GJB5: variants seen among roughly 807,000 people sequenced by gnomAD.
GJB5 encodes gap junction protein beta 5, also known as gap junction beta-5 protein.
For synonymous variants in GJB5, 146 were observed against 145.5 expected, an observed-to-expected ratio of 1.00 and a Z score of -0.02; for missense variants, 333 against 357.9, an observed-to-expected ratio of 0.93 and a Z score of 0.56.
chr1:34,757,562 G>GC lies in GJB5; in HGVS notation c.235dup (p.Leu79ProfsTer169). On this transcript the variant is annotated frameshift_variant, in exon 2 of 2. Transcript: ENST00000338513. LOFTEE classifies it low-confidence loss of function (END_TRUNC). ...CCCTGTGTCCCATGTGCGCCTCTGG[G>GC]CCCTGCAGCTTATCCTGGTGACATG... The GC allele has an allele frequency of 6.2e-7, 1 of 1,614,140 alleles. No homozygotes were observed. Among genetic ancestry groups the GC allele is most frequent in the Non-Finnish European group, 8.5e-7 (1 of 1,180,022 alleles).
Position 34,757,488 on chromosome 1 carries a change from G to A in GJB5, c.158G>A (p.Cys53Tyr), listed in dbSNP as rs899789250. The part of the protein sequence containing the change: ...VWSDDHKDFD[C>Y]NTRQPGCSNV... The stretch of plus-strand genomic sequence containing the variant: ...AGTGATGACCACAAGGACTTCGACT[G>A]CAATACTCGCCAGCCCGGCTGCTCC... Residue 53 changes from cysteine to tyrosine, a missense_variant, in exon 2 of 2, where the codon TGC becomes TAC. Physicochemically the swap from Cys to Tyr is radical, Grantham distance 194. Transcript: ENST00000338513. The A allele has an allele frequency of 3.7e-6, 6 of 1,614,018 alleles. No individual in the cohort carries two copies. Among genetic ancestry groups the A allele is most frequent in the Non-Finnish European group, 5.1e-6 (6 of 1,180,034 alleles).
rs1553166574 is a variant in GJB5, at chr1:34,757,883, A to T, written c.553A>T (p.Ile185Phe). The T allele has an allele frequency of 8.7e-6, 14 of 1,613,854 alleles. No individual in the cohort carries two copies. Among genetic ancestry groups the T allele is most frequent in the Non-Finnish European group, 5.9e-6 (7 of 1,179,978 alleles). ...CATCTCCAAGCCCTCAGAGAAGAAC[A>T]TTTTCACCCTCTTCATGGTGGCCAC... The part of the protein sequence containing the change: ...CFISKPSEKN[I>F]FTLFMVATAA... The change falls in exon 2 of 2, where the codon ATT becomes TTT. Residue 185 changes from isoleucine to phenylalanine, a missense_variant. Transcript: ENST00000338513.
rs748455388 is a variant in GJB5, at chr1:34,758,192, G to A, written c.*40G>A. ...TGGTCTGGCAGGTTGGGCCTGGATG[G>A]GGAGGCTCTAGCATCTCTCATAGGT... On this transcript the variant is annotated 3_prime_UTR_variant, in exon 2 of 2. Coordinates refer to ENST00000338513, the MANE Select transcript of GJB5 (RefSeq NM_005268.4). The A allele has an allele frequency of 6.6e-7, 1 of 1,512,022 alleles. No individual in the cohort carries two copies. The highest frequency in any genetic ancestry group is 1.7e-5 in the Admixed American group (1 of 58,220). 93.7% of individuals were successfully genotyped at this position (1,512,022 alleles called of 1,614,324 possible).
At position 34,758,255 on chromosome 1, in the gene GJB5, G is replaced by A. The variant is rs778935449; in HGVS notation, c.*103G>A. On this transcript the variant is annotated 3_prime_UTR_variant, in exon 2 of 2. Coordinates refer to ENST00000338513, the MANE Select transcript of GJB5 (RefSeq NM_005268.4). ...TGGGGGAGCTAAGCCATGAGGTAGG[G>A]GCAGGCAAGAGAGAGGATTCAGACG... 8 of 867,244 alleles carry A rather than the reference G, an allele frequency of 9.2e-6. No homozygotes were observed. The highest frequency in any genetic ancestry group is 1.1e-5 in the Non-Finnish European group (6 of 552,760). 53.7% of individuals were successfully genotyped at this position (867,244 alleles called of 1,614,324 possible).
rs1385581155 is a variant in GJB5 at position 34,757,440 on chromosome 1, T to C, written c.110T>C (p.Leu37Pro). 1.9e-6 allele frequency: 3 copies of C among 1,614,050 alleles called. No individual in the cohort carries two copies. Among genetic ancestry groups the C allele is most frequent in the Non-Finnish European group, 2.5e-6 (3 of 1,180,044 alleles). ...LVFIFRVLVY[L>P]VTAERVWSDD... The stretch of plus-strand genomic sequence containing the variant: ...TTCATCTTCCGCGTGCTGGTGTACC[T>C]GGTGACGGCCGAGCGTGTGTGGAGT... Residue 37 changes from leucine to proline, a missense_variant, in exon 2 of 2, where the codon CTG becomes CCG. Coordinates refer to ENST00000338513, the MANE Select transcript of GJB5 (RefSeq NM_005268.4).
intron 1 of GJB5, among the ~76,000 whole-genome samples, chr1:34,757,031 T>G (rs965982920): frequency 3.3e-5 from 5 of 152,160 alleles, no homozygotes; most frequent in Admixed American, 6.5e-5. Context: ...GAGGAATGAG[T>G]GGCTCCCTGG....
rs1388809635 is a variant in GJB5 at position 34,758,107 on chromosome 1, C to T, written c.777C>T (p.Leu259=). ...TGGGCTCAGACAGTCATCCTCCTCT[C>T]TTACCAGACCGCCCCCGAGACCATG... ...IFLGSDSHPP[L]LPDRPRDHVK... is the part of the protein sequence containing the mutation. Residue 259 remains leucine (L), a synonymous_variant, in exon 2 of 2, where the codon CTC becomes CTT. Coordinates refer to ENST00000338513, the MANE Select transcript of GJB5 (RefSeq NM_005268.4). The T allele has an allele frequency of 6.2e-7, 1 of 1,613,952 alleles. No individual in the cohort carries two copies. Among genetic ancestry groups the T allele is most frequent in the Non-Finnish European group, 8.5e-7 (1 of 1,180,026 alleles).
rs1310015651 is a variant in GJB5 at position 34,757,955 on chromosome 1, G to A, written c.625G>A (p.Val209Met). 1 of 1,613,962 alleles carries A rather than the reference G, an allele frequency of 6.2e-7. No homozygotes were observed. Among genetic ancestry groups the A allele is most frequent in the Admixed American group, 1.7e-5 (1 of 60,004 alleles). Residue 209 changes from valine to methionine, a missense_variant, in exon 2 of 2, where the codon GTG (valine) becomes ATG (methionine). Transcript: ENST00000338513. ...CAACCTCGTGGAGCTCATCTACCTGGTGAGCAAGAGATGCCACGAGTGCCT... is the reference window on the plus strand; with the variant it reads ...CAACCTCGTGGAGCTCATCTACCTGATGAGCAAGAGATGCCACGAGTGCCT... ...LLNLVELIYL[V>M]SKRCHECLAA... is the part of the protein sequence containing the mutation.
In GJB5 at chr1:34,757,237, A is replaced by C. The variant is rs559132382; in HGVS notation, c.-24-70A>C. 1,334 of 831,646 alleles carry C rather than the reference A, an allele frequency of 1.6e-3. 3 individuals carry two copies. The highest frequency in any genetic ancestry group is 2.4e-3 in the Non-Finnish European group (1,237 of 515,836). The allele number at this position is 831,646 out of a possible 1,614,324, so 51.5% of individuals were successfully genotyped here. The stretch of plus-strand genomic sequence containing the variant: ...GATGGTAAGGATGAAATGTGATGAC[A>C]TATTTCTACAAAGTGCTCAGAGCAA... On this transcript the variant is annotated intron_variant, in intron 1 of 1. Transcript: ENST00000338513.
In GJB5 at chr1:34,758,005, G is replaced by C. The variant is rs566001321; in HGVS notation, c.675G>C (p.Met225Ile). 21 of 1,614,070 alleles carry C rather than the reference G, an allele frequency of 1.3e-5. No homozygotes were observed. In the East Asian group the frequency reaches 4.7e-4, roughly 36 times the overall value. The change falls in exon 2 of 2, where the codon ATG becomes ATC. Residue 225 changes from methionine (M) to isoleucine (I), a missense_variant. Met to Ile is a conservative substitution (Grantham distance 10, BLOSUM62 1). Transcript: ENST00000338513. ...TGGCAGCAAGGAAAGCTCAAGCCAT[G>C]TGCACAGGTCATCACCCCCACGGTA... Reference protein sequence around the residue: ...ECLAARKAQAMCTGHHPHGTT... With the variant: ...ECLAARKAQAICTGHHPHGTT...
chr1:34,757,427 G>T lies in GJB5; in HGVS notation c.97G>T (p.Val33Leu), dbSNP rs375424906. ...IWLSLVFIFR[V>L]LVYLVTAERV... ...GCTGTCTCTGGTCTTCATCTTCCGC[G>T]TGCTGGTGTACCTGGTGACGGCCGA... is the stretch of plus-strand genomic sequence containing the variant. The change falls in exon 2 of 2, where the codon GTG becomes TTG. Residue 33 changes from valine to leucine, a missense_variant. Val to Leu is a conservative substitution (Grantham distance 32, BLOSUM62 1). Transcript: ENST00000338513. 1.2e-6 allele frequency: 2 copies of T among 1,614,076 alleles called. No individual in the cohort carries two copies. Among genetic ancestry groups the T allele is most frequent in the African/African-American group, 1.3e-5 (1 of 74,918 alleles).
intron 1 of GJB5, among the ~76,000 whole-genome samples, chr1:34,755,686 C>T (rs970164475): frequency 1.3e-5 from 2 of 152,032 alleles, no homozygotes; most frequent in South Asian, 2.1e-4. Context: ...CCAGGATCCA[C>T]ACACAAGGGG....
Position 34,758,425 on chromosome 1 carries a change from G to T in GJB5, c.*273G>T. 1 of 520,614 alleles carries T rather than the reference G, an allele frequency of 1.9e-6. No homozygotes were observed. Among genetic ancestry groups the T allele is most frequent in the Admixed American group, 3.4e-5 (1 of 29,762 alleles). 32.2% of individuals were successfully genotyped at this position (520,614 alleles called of 1,614,324 possible). A position where few individuals can be genotyped will look rare whatever the true frequency, so the allele number is the denominator to read the frequency against. The stretch of plus-strand genomic sequence containing the variant: ...CCAATGCCCAGGGTTGGAGGGAGGA[G>T]GGCGTTCATAGAAGAACACACATGC... On this transcript the variant is annotated 3_prime_UTR_variant, in exon 2 of 2. Coordinates refer to ENST00000338513, the MANE Select transcript of GJB5 (RefSeq NM_005268.4).
In GJB5 at chr1:34,757,893, T is replaced by C; in HGVS notation, c.563T>C (p.Leu188Pro). Residue 188 changes from leucine to proline, a missense_variant, in exon 2 of 2, where the codon CTC becomes CCC. Transcript: ENST00000338513. The part of the protein sequence containing the change: ...SKPSEKNIFT[L>P]FMVATAAICI... ...CCCTCAGAGAAGAACATTTTCACCC[T>C]CTTCATGGTGGCCACAGCTGCCATC... The C allele has an allele frequency of 6.2e-7, 1 of 1,613,936 alleles. No individual in the cohort carries two copies. The highest frequency in any genetic ancestry group is 8.5e-7 in the Non-Finnish European group (1 of 1,180,002).
rs1639613103 is a variant in GJB5 at position 34,757,471 on chromosome 1, C to T, written c.141C>T (p.Asp47=). The change falls in exon 2 of 2, where the codon GAC becomes GAT. Residue 47 remains aspartate (D), a synonymous_variant. Coordinates refer to ENST00000338513, the MANE Select transcript of GJB5 (RefSeq NM_005268.4). ...CGGCCGAGCGTGTGTGGAGTGATGA[C>T]CACAAGGACTTCGACTGCAATACTC... ...LVTAERVWSD[D]HKDFDCNTRQ... 2 of 1,613,978 alleles carry T rather than the reference C, an allele frequency of 1.2e-6. No homozygotes were observed. Among genetic ancestry groups the T allele is most frequent in the African/African-American group, 2.7e-5 (2 of 74,902 alleles).
chr1:34,758,044 C>A lies in GJB5; in HGVS notation c.714C>A (p.Cys238Ter). The change falls in exon 2 of 2, where the codon TGC becomes TGA. Residue 238 changes from cysteine (C) to a stop codon, truncating the protein, a stop_gained. Transcript: ENST00000338513. LOFTEE classifies it low-confidence loss of function (END_TRUNC). ...GHHPHGTTSSCKQDDLLSGDL... is the reference protein window; with the variant it reads ...GHHPHGTTSS The stretch of plus-strand genomic sequence containing the variant: ...ACCCCCACGGTACCACCTCTTCCTG[C>A]AAACAAGACGACCTCCTTTCGGGTG... 1 of 1,614,062 alleles carries A rather than the reference C, an allele frequency of 6.2e-7. No individual in the cohort carries two copies. The highest frequency in any genetic ancestry group is 8.5e-7 in the Non-Finnish European group (1 of 1,180,014).
intron 1 of GJB5, among the ~76,000 whole-genome samples, chr1:34,755,895 T>C (rs1357061668): frequency 6.6e-6 from 1 of 152,196 alleles, no homozygotes; most frequent in African/African-American, 2.4e-5. Context: ...TCTTTCCTCA[T>C]CTGTAAATTG....
At chr1:34,756,632 C>G (rs762456059) in intron 1 of GJB5, among the ~76,000 whole-genome samples, 1 of 152,204 alleles carries the variant, frequency 6.6e-6, no homozygotes, top group South Asian at 2.1e-4. Flanking sequence ...TTGGGAAACA[C>G]TGGAATACCA....
rs1639555158 is a variant in GJB5, at chr1:34,755,078, G to C, written c.-142G>C. On this transcript the variant is annotated 5_prime_UTR_variant, in exon 1 of 2. Transcript: ENST00000338513. ...CCCGGCAGGCTCTGTCCTGGAAACA[G>C]GCTTCAACGGGCTTCCCCGAAAACC... 1 of 152,446 alleles carries C rather than the reference G, an allele frequency of 6.6e-6. No homozygotes were observed. The highest frequency in any genetic ancestry group is 2.4e-5 in the African/African-American group (1 of 41,476). The allele number at this position is 152,446 out of a possible 1,614,324, so 9.4% of individuals were successfully genotyped here.
Sources: gnomAD v4.1 joint callset for allele counts (sites outside exome capture counted in the v4.1 genomes callset) on GRCh38, gnomAD v4.1.1 for gene constraint, MANE v1.5 for transcripts, NCBI Gene and HGNC (gene_info 2026-07-23, HGNC 2026-07-21) for gene names.